The following ATP6V1E1 variants were observed in gnomAD, a reference collection of about 807,000 sequenced individuals.
ATP6V1E1 encodes ATPase H+ transporting V1 subunit E1, also known as V-type proton ATPase subunit E 1.
In ATP6V1E1, 21 loss-of-function variants were observed where a neutral mutation model predicts 35.2. That is an observed-to-expected ratio of 0.60 (90% CI 0.42 to 0.86). The LOEUF is 0.86. Ranked by LOEUF, ATP6V1E1 falls within the 40% of genes least tolerant of loss-of-function variation. The pLI is 0.00. For synonymous variants in ATP6V1E1, 83 were observed against 87.8 expected (o/e 0.95, Z 0.30); for missense variants, 183 against 272.6 (o/e 0.67, Z 2.32).
At chr22:17,597,363 T>C (rs958162990) in intron 7 of ATP6V1E1, among the ~76,000 whole-genome samples, 2 of 151,414 alleles carry the variant, frequency 1.3e-5, no homozygotes, top group African/African-American at 2.4e-5. Flanking sequence ...TTGTCAGGAG[T>C]TTCTACTGCC....
At chr22:17,608,192 CAGCTT>C (rs1305773147) in intron 4 of ATP6V1E1, among the ~76,000 whole-genome samples, 1 of 152,196 alleles carries the variant, frequency 6.6e-6, no homozygotes, top group Non-Finnish European at 1.5e-5. Context: ...TAAATTCAAA[CAGCTT>C]AGTGCCTCAA....
At chr22:17,613,955 G>T (rs1771406219) in intron 2 of ATP6V1E1, among the ~76,000 whole-genome samples, 1 of 151,808 alleles carries the variant, frequency 6.6e-6, no homozygotes, top group Non-Finnish European at 1.5e-5. Context: ...CGACAGAGCA[G>T]AACTCTGTCT....
At chr22:17,622,109 T>C (rs1210976606) in intron 1 of ATP6V1E1, among the ~76,000 whole-genome samples, 2 of 152,106 alleles carry the variant, frequency 1.3e-5, no homozygotes, top group Non-Finnish European at 2.9e-5. Flanking sequence ...TGGGATGCAA[T>C]GGTAGCTTCA....
chr22:17,627,343 C>T lies in ATP6V1E1; in HGVS notation c.33+1260G>A, dbSNP rs184371904. 2.5e-3 allele frequency among the ~76,000 whole-genome samples: 362 copies of T among 147,316 alleles called. 2 individuals are homozygous for T. The highest frequency in any genetic ancestry group is 8.8e-3 in the African/African-American group (352 of 40,194). ...GGGGTTTCACCATGCTGGCCAGGCT[C>T]GTCTCGAACTCCTGACCTCAGGTGA... On this transcript the variant is annotated intron_variant, in intron 1 of 8. Transcript: ENST00000253413.
intron 2 of ATP6V1E1, among the ~76,000 whole-genome samples, chr22:17,614,667 TAAAAAA>T (rs200743259): frequency 7.6e-6 from 1 of 130,730 alleles, no homozygotes; most frequent in Non-Finnish European, 1.6e-5. Context: ...AGCGAACTCT[TAAAAAA>T]AAAAAAAAAA....
intron 4 of ATP6V1E1, among the ~76,000 whole-genome samples, chr22:17,612,042 C>A (rs2057818122): frequency 6.6e-6 from 1 of 152,102 alleles, no homozygotes; most frequent in Admixed American, 6.6e-5. Flanking sequence ...TATTCATTTC[C>A]TATTGTGTTT....
chr22:17,615,671 G>A (rs1386623720), intron 2 of ATP6V1E1, among the ~76,000 whole-genome samples: 3 of 150,758 alleles, frequency 2.0e-5, no homozygotes, highest in East Asian at 4.0e-4. Context: ...AGGCCAAGGC[G>A]GGTGGATCAT....
intron 1 of ATP6V1E1, among the ~76,000 whole-genome samples, chr22:17,627,372 G>A (rs532630725): frequency 5.1e-4 from 76 of 148,402 alleles, no homozygotes; most frequent in African/African-American, 1.8e-3. Flanking sequence ...CAGGTGATCC[G>A]CCCTCCTCAG....
intron 7 of ATP6V1E1, among the ~76,000 whole-genome samples, chr22:17,596,625 T>C (rs577761754): frequency 6.6e-6 from 1 of 152,006 alleles, no homozygotes; most frequent in Non-Finnish European, 1.5e-5. Flanking sequence ...TATTCTGTTA[T>C]AGCAACACTA....
intron 4 of ATP6V1E1, among the ~76,000 whole-genome samples, chr22:17,611,067 T>C (rs1027465853): frequency 4.6e-5 from 7 of 152,204 alleles, no homozygotes; most frequent in African/African-American, 9.6e-5. Context: ...TTTAAACTCA[T>C]AGCTGACTGA....
In ATP6V1E1 at chr22:17,619,543, TTTTA is replaced by T. The variant is rs759927881; in HGVS notation, c.34-21_34-18del. 8 of 1,546,482 alleles carry T rather than the reference TTTTA, an allele frequency of 5.2e-6. No individual in the cohort carries two copies. Among genetic ancestry groups the T allele is most frequent in the Non-Finnish European group, 1.7e-6 (2 of 1,143,726 alleles). Reference sequence around the variant, plus strand: ...ATGCTTTATCTATAAGGAAAAAAAGTTTTATTTTTTAGTTCAAAAATATGGAAAT... The same window carrying T: ...ATGCTTTATCTATAAGGAAAAAAAGTTTTTTTAGTTCAAAAATATGGAAAT... On this transcript the variant is annotated intron_variant, in intron 1 of 8. Coordinates refer to ENST00000253413, the MANE Select transcript of ATP6V1E1 (RefSeq NM_001696.4).
intron 4 of ATP6V1E1, among the ~76,000 whole-genome samples, chr22:17,606,008 G>A (rs1601380998): frequency 1.3e-5 from 2 of 151,904 alleles, no homozygotes; most frequent in African/African-American, 4.8e-5. Flanking sequence ...GTAAAGTGGG[G>A]TTTAAAAATC....
chr22:17,616,162 A>G (rs2034507194), intron 2 of ATP6V1E1, among the ~76,000 whole-genome samples: 1 of 151,034 alleles, frequency 6.6e-6, no homozygotes, highest in Non-Finnish European at 1.5e-5. Flanking sequence ...CCTGGCCAAT[A>G]TGGTGAAACC....
chr22:17,620,919 C>G (rs1369940713), intron 1 of ATP6V1E1, among the ~76,000 whole-genome samples: 1 of 151,932 alleles, frequency 6.6e-6, no homozygotes, highest in Non-Finnish European at 1.5e-5. Context: ...AAAAATTAGC[C>G]GGCGTGGTGG....
At chr22:17,627,398 G>A (rs944343534) in intron 1 of ATP6V1E1, among the ~76,000 whole-genome samples, 2 of 151,780 alleles carry the variant, frequency 1.3e-5, no homozygotes, top group African/African-American at 4.8e-5. Context: ...CAAAGTGCTG[G>A]TATTACAGAC....
intron 7 of ATP6V1E1, among the ~76,000 whole-genome samples, chr22:17,597,303 G>A (rs1235660911): frequency 6.6e-6 from 1 of 151,516 alleles, no homozygotes; most frequent in Non-Finnish European, 1.5e-5. Context: ...GTGTGGCTAG[G>A]TGGCCTCAGA....
chr22:17,614,430 G>A (rs5747273), intron 2 of ATP6V1E1, among the ~76,000 whole-genome samples: 52,600 of 151,576 alleles, frequency 0.35, 9,462 homozygotes, highest in African/African-American at 0.41. Flanking sequence ...GCTGAGGCGG[G>A]CAGATCACCT....
At chr22:17,611,961 T>C (rs2057817729) in intron 4 of ATP6V1E1, among the ~76,000 whole-genome samples, 1 of 152,258 alleles carries the variant, frequency 6.6e-6, no homozygotes, top group Non-Finnish European at 1.5e-5. Flanking sequence ...TTAATAATTT[T>C]AGTAGCTATT....
Position 17,592,567 on chromosome 22 carries a change from A to C in ATP6V1E1, c.*107T>G. The stretch of plus-strand genomic sequence containing the variant: ...GCATCGCTGATAAATACAGAGCAAT[A>C]CTGGGGCAGTGAAGAGGAAGCTACA... On this transcript the variant is annotated 3_prime_UTR_variant, in exon 9 of 9. Transcript: ENST00000253413. 1 of 1,158,200 alleles carries C rather than the reference A, an allele frequency of 8.6e-7. No individual in the cohort carries two copies. The highest frequency in any genetic ancestry group is 1.3e-6 in the Non-Finnish European group (1 of 771,234). 71.7% of individuals were successfully genotyped at this position (1,158,200 alleles called of 1,614,324 possible). A position where few individuals can be genotyped will look rare whatever the true frequency, so the allele number is the denominator to read the frequency against.
Sources: gnomAD v4.1 joint callset for allele counts (sites outside exome capture counted in the v4.1 genomes callset) on GRCh38, gnomAD v4.1.1 for gene constraint, MANE v1.5 for transcripts, NCBI Gene and HGNC (gene_info 2026-07-23, HGNC 2026-07-21) for gene names.